GRM1: variants seen among roughly 807,000 people sequenced by gnomAD.
The protein encoded by GRM1 is glutamate metabotropic receptor 1.
A neutral mutation model predicts 90.9 loss-of-function variants in GRM1; 33 were observed. The ratio of observed to expected loss-of-function variants is 0.36; its 90% CI spans 0.28 to 0.49. GRM1 has a LOEUF of 0.49. Ranked by LOEUF, GRM1 falls within the 20% of genes least tolerant of loss-of-function variation. GRM1 has a pLI of 0.99. For synonymous variants in GRM1, 700 were observed against 613.2 expected (o/e 1.14, Z -2.09); for missense variants, 1,190 against 1,534.3 (o/e 0.78, Z 3.75).
chr6:146,347,720 T>G (rs1048198910), intron 3 of GRM1, among the ~76,000 whole-genome samples: 6 of 152,246 alleles, frequency 3.9e-5, no homozygotes, highest in African/African-American at 1.2e-4. Flanking sequence ...GGGCAGCAGT[T>G]ACATGAATGT....
At chr6:146,229,329 G>T (rs78264162) in intron 2 of GRM1, among the ~76,000 whole-genome samples, 1 of 150,436 alleles carries the variant, frequency 6.6e-6, no homozygotes, top group Non-Finnish European at 1.5e-5. Flanking sequence ...AACTTCTCTG[G>T]GTACCAATGT....
rs1776454072 is a variant in GRM1 at position 146,132,662 on chromosome 6, T to C, written c.701-26686T>C. Among the ~76,000 whole-genome samples the C allele has an allele frequency of 2.0e-5, 3 of 152,198 alleles. No homozygotes were observed. The South Asian group carries it at 6.2e-4, about 31-fold the overall frequency. ...AACAGACATATGATGAAGGTACAGT[T>C]TTGATGACCTTATTTCCTAATCCTT... On this transcript the variant is annotated intron_variant, in intron 1 of 7. Transcript: ENST00000282753.
intron 3 of GRM1, among the ~76,000 whole-genome samples, chr6:146,321,613 C>A (rs1207840116): frequency 4.0e-5 from 6 of 151,644 alleles, no homozygotes; most frequent in Non-Finnish European, 8.8e-5. Flanking sequence ...AGTCTCTTTG[C>A]AGGTCTCTAA....
In GRM1 at chr6:146,029,957, T is replaced by TC. The variant is rs1207726214; in HGVS notation, c.446dup (p.Gly150ArgfsTer4). 6.2e-7 allele frequency: 1 copy of TC among 1,613,214 alleles called. No individual in the cohort carries two copies. Among genetic ancestry groups the TC allele is most frequent in the Non-Finnish European group, 8.5e-7 (1 of 1,179,514 alleles). On this transcript the variant is annotated frameshift_variant, in exon 1 of 8. Transcript: ENST00000282753. LOFTEE classifies it high-confidence loss of function. ...CGGTGTCTGCCTGACGGCCAGTCCC[T>TC]CCCCCCAGGCAGGACTAAGAAGCCC...
intron 1 of GRM1, among the ~76,000 whole-genome samples, chr6:146,099,884 T>G (rs1333221037): frequency 6.6e-6 from 1 of 152,250 alleles, no homozygotes; most frequent in African/African-American, 2.4e-5. Flanking sequence ...AGGTATATAC[T>G]TAGCAGTGGA....
chr6:146,356,914 A>C (rs1391898121), intron 4 of GRM1, among the ~76,000 whole-genome samples: 1 of 152,194 alleles, frequency 6.6e-6, no homozygotes, highest in East Asian at 1.9e-4. Context: ...GTGTTCCGGC[A>C]TTTCAAATTA....
chr6:146,414,575 T>G (rs1312917688), intron 7 of GRM1, among the ~76,000 whole-genome samples: 1 of 152,060 alleles, frequency 6.6e-6, no homozygotes, highest in Non-Finnish European at 1.5e-5. Context: ...GCTAATTTTT[T>G]GTATTTTTAG....
intron 1 of GRM1, among the ~76,000 whole-genome samples, chr6:146,057,371 T>C (rs1775515593): frequency 6.6e-6 from 1 of 152,102 alleles, no homozygotes; most frequent in African/African-American, 2.4e-5. Flanking sequence ...AACCTAGGCA[T>C]CACACATAAG....
At chr6:146,201,390 G>A (rs1779292644) in intron 2 of GRM1, among the ~76,000 whole-genome samples, 2 of 152,156 alleles carry the variant, frequency 1.3e-5, no homozygotes, top group African/African-American at 2.4e-5. Flanking sequence ...AAATTTGGTG[G>A]GTTAAACAAC....
At chr6:146,151,579 A>C (rs1235520010) in intron 1 of GRM1, among the ~76,000 whole-genome samples, 2 of 152,196 alleles carry the variant, frequency 1.3e-5, no homozygotes, top group Non-Finnish European at 2.9e-5. Context: ...AATGCAACAC[A>C]ATCTGTTTCA....
Position 146,330,326 on chromosome 6 carries a change from T to C in GRM1, c.1187-21924T>C, listed in dbSNP as rs530725841. Among the ~76,000 whole-genome samples the C allele has an allele frequency of 1.4e-4, 21 of 152,304 alleles. No homozygotes were observed. The South Asian group carries it at 4.3e-3, about 32-fold the overall frequency. On this transcript the variant is annotated intron_variant, in intron 3 of 7. Coordinates refer to ENST00000282753, the MANE Select transcript of GRM1 (RefSeq NM_001278064.2). ...GTTACTCAGGATCTAAAGAGAAAAG[T>C]TTCCGGAGAGAATTGGTGTATTTTT...
chr6:146,048,954 T>C (rs2128846771), intron 1 of GRM1, among the ~76,000 whole-genome samples: 1 of 152,110 alleles, frequency 6.6e-6, no homozygotes, highest in East Asian at 1.9e-4. Context: ...ACCCAGTGTA[T>C]GCTACTTTGT....
At chr6:146,250,708 C>A (rs1781238445) in intron 2 of GRM1, among the ~76,000 whole-genome samples, 1 of 152,204 alleles carries the variant, frequency 6.6e-6, no homozygotes, top group South Asian at 2.1e-4. Flanking sequence ...AACAGCTTGA[C>A]CAGCATCATA....
intron 1 of GRM1, among the ~76,000 whole-genome samples, chr6:146,118,140 C>CTTTTTTTTTTTTTTTTT (rs67033918): frequency 3.1e-4 from 36 of 115,450 alleles, no homozygotes; most frequent in Non-Finnish European, 3.8e-4. Context: ...TTCTTCTTTT[C>CTTTTTTTTTTTTTTTTT]TTTTTTTTTT....
intron 3 of GRM1, among the ~76,000 whole-genome samples, chr6:146,311,772 G>GA (rs965912213): frequency 1.3e-5 from 2 of 151,666 alleles, no homozygotes; most frequent in African/African-American, 4.9e-5. Flanking sequence ...TACAAATTGT[G>GA]AAAAAAAATA....
At chr6:146,109,833 G>A (rs940961439) in intron 1 of GRM1, among the ~76,000 whole-genome samples, 3 of 152,246 alleles carry the variant, frequency 2.0e-5, no homozygotes, top group African/African-American at 7.2e-5. Context: ...CTGGATGAGA[G>A]ACATGGAGTC....
At chr6:146,372,944 TC>T (rs1775956491) in intron 5 of GRM1, among the ~76,000 whole-genome samples, 1 of 152,114 alleles carries the variant, frequency 6.6e-6, no homozygotes, top group South Asian at 2.1e-4. Context: ...CTTTGGTTAT[TC>T]TGGGTTTTTG....
At chr6:146,320,908 T>G (rs1273949800) in intron 3 of GRM1, among the ~76,000 whole-genome samples, 2 of 152,080 alleles carry the variant, frequency 1.3e-5, no homozygotes, top group Non-Finnish European at 2.9e-5. Context: ...GTTAATCTTT[T>G]CAAAAAAGCA....
chr6:146,320,468 T>C (rs1030090967), intron 3 of GRM1, among the ~76,000 whole-genome samples: 5 of 152,224 alleles, frequency 3.3e-5, no homozygotes, highest in African/African-American at 1.2e-4. Context: ...ATCAGGATGA[T>C]GCTGGCCTCA....
Sources: allele counts gnomAD v4.1 joint callset (sites outside exome capture counted in the v4.1 genomes callset), GRCh38; gene constraint gnomAD v4.1.1; transcripts MANE v1.5; gene names NCBI Gene and HGNC (gene_info 2026-07-23, HGNC 2026-07-21).